The following FBXW7 variants were observed in gnomAD, a reference collection of about 807,000 sequenced individuals.
FBXW7 encodes the protein F-box and WD repeat domain containing 7.
A neutral mutation model predicts 86.3 loss-of-function variants in FBXW7; 11 were observed. The observed-to-expected ratio is 0.13, with a 90% CI of 0.08 to 0.21. The LOEUF (loss-of-function observed/expected upper bound fraction) is 0.21. Among genes scored for constraint, FBXW7 ranks in the 10% least tolerant of loss-of-function variants. The pLI is 1.00. For synonymous variants in FBXW7, 313 were observed against 297.9 expected, an observed-to-expected ratio of 1.05 and a Z score of -0.52; for missense variants, 488 against 847.4, an observed-to-expected ratio of 0.58 and a Z score of 5.27.
chr4:152,334,734 G>T (rs2126563419), intron 7 of FBXW7, among the ~76,000 whole-genome samples: 1 of 152,200 alleles, frequency 6.6e-6, no homozygotes, highest in East Asian at 1.9e-4. Flanking sequence ...GAAATATAAA[G>T]AAATACTAAG....
chr4:152,330,496 G>A (rs1017351131), intron 9 of FBXW7, among the ~76,000 whole-genome samples: 7 of 152,014 alleles, frequency 4.6e-5, no homozygotes, highest in Admixed American at 2.6e-4. Context: ...TTTCATTTAC[G>A]TAAGATAAAA....
chr4:152,374,064 T>TA (rs1734252055), intron 4 of FBXW7, among the ~76,000 whole-genome samples: 1 of 152,074 alleles, frequency 6.6e-6, no homozygotes, highest in Non-Finnish European at 1.5e-5. Flanking sequence ...GAAATGTTTA[T>TA]ATTTTCCAAG....
At chr4:152,518,064 A>G (rs576879949) in intron 2 of FBXW7, among the ~76,000 whole-genome samples, 12 of 152,128 alleles carry the variant, frequency 7.9e-5, no homozygotes, top group African/African-American at 2.9e-4. Flanking sequence ...TCTCAGCTCA[A>G]TGCAACCTCC....
At chr4:152,331,041 A>C (rs1429438626) in intron 8 of FBXW7, among the ~76,000 whole-genome samples, 173 bp from the exon 9 acceptor site, 1 of 152,028 alleles carries the variant, frequency 6.6e-6, no homozygotes. Flanking sequence ...AATAATGTAA[A>C]GTTTACATTC....
At chr4:152,452,602 A>T (rs1307889411) in intron 2 of FBXW7, among the ~76,000 whole-genome samples, 1 of 152,202 alleles carries the variant, frequency 6.6e-6, no homozygotes, top group African/African-American at 2.4e-5. Flanking sequence ...AGCAAAATTT[A>T]AAAATCTAGC....
At chr4:152,483,810 C>G (rs2149674055) in intron 2 of FBXW7, among the ~76,000 whole-genome samples, 1 of 152,066 alleles carries the variant, frequency 6.6e-6, no homozygotes, top group South Asian at 2.1e-4. Context: ...TTATTTGGAC[C>G]CTATTCCTGT....
chr4:152,449,099 T>C (rs888103142), intron 2 of FBXW7, among the ~76,000 whole-genome samples: 1 of 152,240 alleles, frequency 6.6e-6, no homozygotes, highest in Non-Finnish European at 1.5e-5. Context: ...TGCATTGCTT[T>C]GAGAAACAAC....
intron 4 of FBXW7, among the ~76,000 whole-genome samples, chr4:152,359,717 C>T (rs184956605): frequency 2.0e-5 from 3 of 152,084 alleles, no homozygotes; most frequent in East Asian, 3.9e-4. Flanking sequence ...GAGCTGAGAT[C>T]GTGCCGTTGC....
chr4:152,439,011 C>T (rs1043138579), intron 2 of FBXW7, among the ~76,000 whole-genome samples: 1 of 152,146 alleles, frequency 6.6e-6, no homozygotes, highest in Non-Finnish European at 1.5e-5. Context: ...CCAAAATTTT[C>T]CCCAGCATAG....
Position 152,383,343 on chromosome 4 carries a change from T to A in FBXW7, c.501+27960A>T, listed in dbSNP as rs137858472. On this transcript the variant is annotated intron_variant, in intron 4 of 13. Coordinates refer to ENST00000281708, the MANE Select transcript of FBXW7 (RefSeq NM_001349798.2). ...TGTGCCGTTTACTCCTCAAGAACCTTCAATGGTTCTCCACGGCCTAAGATA... is the reference window on the plus strand; with the variant it reads ...TGTGCCGTTTACTCCTCAAGAACCTACAATGGTTCTCCACGGCCTAAGATA... 3.2e-3 allele frequency among the ~76,000 whole-genome samples: 489 copies of A among 152,192 alleles called. 1 individual carries two copies. Among genetic ancestry groups the A allele is most frequent in the African/African-American group, 0.011 (476 of 41,542 alleles).
In FBXW7 at chr4:152,402,913, A is replaced by G. The variant is rs1013747640; in HGVS notation, c.501+8390T>C. On this transcript the variant is annotated intron_variant, in intron 4 of 13. Transcript: ENST00000281708. ...CCTAACATAAATAACGTCTAAAACT[A>G]TGAAGATACTTCACATTGCAGTATT... Among the ~76,000 whole-genome samples the G allele has an allele frequency of 1.3e-4, 20 of 150,096 alleles. No individual in the cohort carries two copies. In the East Asian group the frequency reaches 3.7e-3, roughly 27 times the overall value.
intron 2 of FBXW7, among the ~76,000 whole-genome samples, chr4:152,500,633 T>A (rs1280852739): frequency 6.6e-6 from 1 of 151,570 alleles, no homozygotes; most frequent in Admixed American, 6.6e-5. Context: ...TGGGAAGGGG[T>A]ATGAGGAAAC....
intron 2 of FBXW7, among the ~76,000 whole-genome samples, chr4:152,532,083 C>A (rs990337911): frequency 7.2e-5 from 11 of 152,284 alleles, no homozygotes; most frequent in African/African-American, 2.6e-4. Context: ...CATCAGTACT[C>A]TGGGAAACCT....
intron 4 of FBXW7, among the ~76,000 whole-genome samples, chr4:152,405,749 T>G (rs1737369716): frequency 6.6e-6 from 1 of 152,212 alleles, no homozygotes; most frequent in Non-Finnish European, 1.5e-5. Context: ...TGATCAAGTC[T>G]GTTAAATTAT....
intron 2 of FBXW7, among the ~76,000 whole-genome samples, chr4:152,456,621 T>C (rs752853103): frequency 1.7e-4 from 26 of 152,084 alleles, no homozygotes; most frequent in Non-Finnish European, 3.5e-4. Context: ...CAAGCATAGG[T>C]AAAGATGTTC....
chr4:152,390,138 T>C (rs1021708132), intron 4 of FBXW7, among the ~76,000 whole-genome samples: 8 of 151,966 alleles, frequency 5.3e-5, no homozygotes, highest in African/African-American at 1.9e-4. Context: ...CTACCTACTG[T>C]AGTGGTCTAA....
At chr4:152,491,232 AC>A (rs1333428035) in intron 2 of FBXW7, among the ~76,000 whole-genome samples, 1 of 152,114 alleles carries the variant, frequency 6.6e-6, no homozygotes, top group Non-Finnish European at 1.5e-5. Context: ...TAACATACTG[AC>A]CTTACAACAT....
At chr4:152,531,303 T>C (rs1750005678) in intron 2 of FBXW7, among the ~76,000 whole-genome samples, 1 of 152,214 alleles carries the variant, frequency 6.6e-6, no homozygotes, top group African/African-American at 2.4e-5. Context: ...CCAATCCCTA[T>C]ATTTTCACCC....
chr4:152,521,312 G>A (rs1748989654), intron 2 of FBXW7, among the ~76,000 whole-genome samples: 1 of 152,144 alleles, frequency 6.6e-6, no homozygotes, highest in Non-Finnish European at 1.5e-5. Flanking sequence ...CAATATTTAA[G>A]TAGGGTCTGA....
Sources: allele counts gnomAD v4.1 joint callset (sites outside exome capture counted in the v4.1 genomes callset), GRCh38; gene constraint gnomAD v4.1.1; transcripts MANE v1.5; gene names NCBI Gene and HGNC (gene_info 2026-07-23, HGNC 2026-07-21).